ADAM10: variants seen among roughly 807,000 people sequenced by gnomAD.
ADAM10 encodes ADAM metallopeptidase domain 10.
In ADAM10, 17 loss-of-function variants were observed where a neutral mutation model predicts 90.1. The ratio of observed to expected loss-of-function variants is 0.19; its 90% CI spans 0.13 to 0.28. ADAM10 has a LOEUF of 0.28. Ranked by LOEUF, ADAM10 falls within the 10% of genes least tolerant of loss-of-function variation. The pLI, the probability that ADAM10 is intolerant of heterozygous loss-of-function variation, is 1.00. For synonymous variants in ADAM10, 310 were observed against 298.6 expected (o/e 1.04, Z -0.40); for missense variants, 610 against 914.3 (o/e 0.67, Z 4.29).
At chr15:58,632,397 T>A (rs1348260595) in intron 9 of ADAM10, among the ~76,000 whole-genome samples, 1 of 152,214 alleles carries the variant, frequency 6.6e-6, no homozygotes, top group East Asian at 1.9e-4. Flanking sequence ...ATAGAAGATA[T>A]GTCAAAATCT....
At chr15:58,674,075 G>C (rs1473614179) in intron 4 of ADAM10, among the ~76,000 whole-genome samples, 4 of 151,758 alleles carry the variant, frequency 2.6e-5, no homozygotes, top group Non-Finnish European at 5.9e-5. Flanking sequence ...TTCCAATTTA[G>C]TATCCTACAT....
At chr15:58,728,287 C>T (rs1595662059) in intron 1 of ADAM10, among the ~76,000 whole-genome samples, 1 of 152,044 alleles carries the variant, frequency 6.6e-6, no homozygotes, top group Non-Finnish European at 1.5e-5. Context: ...CTGCAAATAG[C>T]CCAGGGAGCT....
intron 1 of ADAM10, among the ~76,000 whole-genome samples, chr15:58,721,484 T>C (rs1324135714): frequency 7.9e-5 from 12 of 152,220 alleles, no homozygotes. Context: ...ATAATTTCTA[T>C]TCCCTAATAC....
At chr15:58,707,934 A>C (rs1312674340) in intron 2 of ADAM10, among the ~76,000 whole-genome samples, 4 of 152,012 alleles carry the variant, frequency 2.6e-5, no homozygotes, top group Non-Finnish European at 4.4e-5. Flanking sequence ...GAAATTAGCC[A>C]GGCGTGGTGG....
intron 2 of ADAM10, chr15:58,693,200 T>C: frequency 1.5e-6 from 1 of 687,210 alleles, no homozygotes; most frequent in South Asian, 1.4e-5. Flanking sequence ...GCAGGCATCT[T>C]GAAAGGAAAA....
At chr15:58,647,728 T>C (rs1260594255) in intron 5 of ADAM10, among the ~76,000 whole-genome samples, 1 of 152,104 alleles carries the variant, frequency 6.6e-6, no homozygotes, top group Non-Finnish European at 1.5e-5. Flanking sequence ...TTTTTTAATT[T>C]TTTTGTAGAG....
At chr15:58,635,998 C>A (rs1425897779) in intron 8 of ADAM10, among the ~76,000 whole-genome samples, 1 of 152,012 alleles carries the variant, frequency 6.6e-6, no homozygotes, top group East Asian at 1.9e-4. Flanking sequence ...TTAAAATGGC[C>A]GGGCGCAGTG....
At chr15:58,743,850 C>G (rs532153001) in intron 1 of ADAM10, among the ~76,000 whole-genome samples, 1 of 152,150 alleles carries the variant, frequency 6.6e-6, no homozygotes, top group African/African-American at 2.4e-5. Flanking sequence ...TCAGGTGATC[C>G]GCCTGCCTCA....
At chr15:58,693,893 G>A (rs1897898970) in intron 2 of ADAM10, among the ~76,000 whole-genome samples, 1 of 151,644 alleles carries the variant, frequency 6.6e-6, no homozygotes, top group African/African-American at 2.4e-5. Flanking sequence ...ACCATTGAAA[G>A]ACAAACAACA....
chr15:58,671,512 A>G (rs1263533248), intron 4 of ADAM10, among the ~76,000 whole-genome samples: 1 of 152,204 alleles, frequency 6.6e-6, no homozygotes, highest in African/African-American at 2.4e-5. Flanking sequence ...GAGTATCTCT[A>G]GGACATACAC....
chr15:58,638,715 T>C (rs1896336925), intron 8 of ADAM10, among the ~76,000 whole-genome samples: 2 of 151,412 alleles, frequency 1.3e-5, no homozygotes, highest in South Asian at 2.1e-4. Context: ...TCACAAATGG[T>C]GATCCAAATA....
At chr15:58,676,842 A>C (rs1047101893) in intron 4 of ADAM10, among the ~76,000 whole-genome samples, 56 of 152,000 alleles carry the variant, frequency 3.7e-4, no homozygotes, top group African/African-American at 1.3e-3. Context: ...ATAAATAATA[A>C]TTTCTTTAAA....
chr15:58,728,072 C>A (rs1161691183), intron 1 of ADAM10, among the ~76,000 whole-genome samples: 1 of 152,164 alleles, frequency 6.6e-6, no homozygotes. Context: ...GGAACAGTCA[C>A]AAAGATAGAC....
chr15:58,610,541 A>G, intron 13 of ADAM10, 24 bp from the exon 14 acceptor site: 1 of 1,601,870 alleles, frequency 6.2e-7, no homozygotes. Flanking sequence ...GCCAAATATA[A>G]GCTGAAGGTC....
intron 11 of ADAM10, among the ~76,000 whole-genome samples, chr15:58,615,599 A>G (rs756421988): frequency 2.0e-5 from 3 of 152,154 alleles, no homozygotes; most frequent in Non-Finnish European, 4.4e-5. Context: ...TTTTACCTCT[A>G]AAGACATATA....
chr15:58,657,461 A>G (rs1467489270), intron 5 of ADAM10, among the ~76,000 whole-genome samples: 1 of 152,112 alleles, frequency 6.6e-6, no homozygotes, highest in Admixed American at 6.5e-5. Context: ...TGTTTTATCA[A>G]TTCTGTTACT....
chr15:58,669,953 C>T (rs750616741), intron 4 of ADAM10, among the ~76,000 whole-genome samples: 1 of 151,888 alleles, frequency 6.6e-6, no homozygotes, highest in Non-Finnish European at 1.5e-5. Context: ...AAGAGGGTAG[C>T]GGGGAGTAGA....
intron 8 of ADAM10, among the ~76,000 whole-genome samples, chr15:58,636,146 G>A (rs577474183): frequency 1.3e-5 from 2 of 152,098 alleles, no homozygotes; most frequent in East Asian, 3.9e-4. Context: ...GCGAGGTGGT[G>A]CATGCATGTA....
intron 1 of ADAM10, 47 bp downstream of exon 1, chr15:58,749,433 G>C (rs1172830049): frequency 6.6e-7 from 1 of 1,510,406 alleles, no homozygotes; most frequent in Non-Finnish European, 8.9e-7. Context: ...CCCGGCCGCC[G>C]CTCCGCCGTG....
Sources: gnomAD v4.1 joint callset for allele counts (sites outside exome capture counted in the v4.1 genomes callset) on GRCh38, gnomAD v4.1.1 for gene constraint, MANE v1.5 for transcripts, NCBI Gene and HGNC (gene_info 2026-07-23, HGNC 2026-07-21) for gene names.